The following GABRB3 variants were observed in gnomAD, a reference collection of about 807,000 sequenced individuals.
GABRB3 encodes the protein gamma-aminobutyric acid type A receptor subunit beta3.
Under a neutral mutation model 52.1 loss-of-function variants are expected in GABRB3, and 14 were observed. That is an observed-to-expected ratio of 0.27 (90% CI 0.18 to 0.42). The LOEUF is 0.42. Among genes scored for constraint, GABRB3 ranks in the 10% least tolerant of loss-of-function variants. GABRB3 has a pLI of 1.00. For synonymous variants in GABRB3, 260 were observed against 232.3 expected, an observed-to-expected ratio of 1.12 and a Z score of -1.08; for missense variants, 307 against 609.1, an observed-to-expected ratio of 0.50 and a Z score of 5.22.
chr15:26,680,921 TA>T (rs1189913261), intron 3 of GABRB3, among the ~76,000 whole-genome samples: 1 of 152,144 alleles, frequency 6.6e-6, no homozygotes, highest in Non-Finnish European at 1.5e-5. Context: ...TGCTGCTTGC[TA>T]GAAAAAAGGA....
chr15:26,761,925 C>G (rs957999997), intron 3 of GABRB3, among the ~76,000 whole-genome samples: 6 of 152,276 alleles, frequency 3.9e-5, no homozygotes, highest in Non-Finnish European at 2.9e-5. Flanking sequence ...GCCTCTGCCT[C>G]CCGGGTTCAA....
At chr15:26,590,578 G>A (rs546729281) in intron 4 of GABRB3, among the ~76,000 whole-genome samples, 2 of 152,322 alleles carry the variant, frequency 1.3e-5, no homozygotes, top group South Asian at 2.1e-4. Flanking sequence ...CATTTTCCTT[G>A]AGCAAATGCT....
chr15:26,592,785 C>T (rs1891253051), intron 4 of GABRB3, among the ~76,000 whole-genome samples: 1 of 151,948 alleles, frequency 6.6e-6, no homozygotes, highest in Non-Finnish European at 1.5e-5. Flanking sequence ...GAGGCCGAGG[C>T]GGGTGGATCA....
intron 3 of GABRB3, among the ~76,000 whole-genome samples, chr15:26,682,889 G>A (rs978937955): frequency 2.6e-5 from 4 of 152,148 alleles, no homozygotes; most frequent in Non-Finnish European, 4.4e-5. Context: ...GGACACAGCC[G>A]GCCACTCAGC....
chr15:26,551,319 G>A (rs1035803986), intron 8 of GABRB3, among the ~76,000 whole-genome samples: 4 of 152,222 alleles, frequency 2.6e-5, no homozygotes, highest in Admixed American at 2.0e-4. Context: ...AGAGTGCAGA[G>A]AGGGGCCCCA....
rs538425758 is a variant in GABRB3 at position 26,730,523 on chromosome 15, T to A, written c.240+41879A>T. Among the ~76,000 whole-genome samples, 504 of 150,500 alleles carry A rather than the reference T, an allele frequency of 3.3e-3. 2 individuals are homozygous for A. The highest frequency in any genetic ancestry group is 0.011 in the African/African-American group (464 of 41,060). ...GGATGAATGCGGTCACGTCCCATTG[T>A]GGAGAGAAAGAAGAGGAGCTGAAGA... On this transcript the variant is annotated intron_variant, in intron 3 of 8. Transcript: ENST00000311550.
chr15:26,562,824 C>T (rs969482732), intron 7 of GABRB3, among the ~76,000 whole-genome samples: 5 of 118,626 alleles, frequency 4.2e-5, no homozygotes, highest in African/African-American at 1.6e-4. Flanking sequence ...AAGAAGAGAA[C>T]TGAAGACTTG....
chr15:26,648,064 TTG>T (rs1313571040), intron 3 of GABRB3, among the ~76,000 whole-genome samples: 1 of 152,202 alleles, frequency 6.6e-6, no homozygotes, highest in East Asian at 1.9e-4. Context: ...CTTCCCATTG[TTG>T]TGTTACCGTC....
intron 3 of GABRB3, among the ~76,000 whole-genome samples, chr15:26,711,056 C>A (rs1450294194): frequency 1.3e-5 from 2 of 152,114 alleles, no homozygotes; most frequent in African/African-American, 4.8e-5. Context: ...TGTTTTCTAT[C>A]AAGTTCAACA....
At chr15:26,591,466 T>G (rs569040404) in intron 4 of GABRB3, among the ~76,000 whole-genome samples, 3 of 152,178 alleles carry the variant, frequency 2.0e-5, no homozygotes, top group Non-Finnish European at 4.4e-5. Context: ...AGTAGTCCCA[T>G]CAGGCAAATG....
At chr15:26,608,782 TCA>T (rs1228166463) in intron 4 of GABRB3, among the ~76,000 whole-genome samples, 2 of 152,046 alleles carry the variant, frequency 1.3e-5, no homozygotes, top group African/African-American at 4.8e-5. Context: ...ATGACTAGTA[TCA>T]AAAAGATGAA....
chr15:26,705,510 A>G (rs36057114), intron 3 of GABRB3, among the ~76,000 whole-genome samples: 25,016 of 152,234 alleles, frequency 0.16, 2,313 homozygotes, highest in Middle Eastern at 0.26. Context: ...ATATATCTAT[A>G]TAATGAAACT....
At chr15:26,661,479 T>G (rs1277437272) in intron 3 of GABRB3, among the ~76,000 whole-genome samples, 1 of 152,168 alleles carries the variant, frequency 6.6e-6, no homozygotes, top group Non-Finnish European at 1.5e-5. Flanking sequence ...CTGCTAGATG[T>G]CTACACGAGG....
intron 7 of GABRB3, among the ~76,000 whole-genome samples, chr15:26,565,039 G>A (rs761555793): frequency 1.3e-5 from 2 of 152,298 alleles, no homozygotes; most frequent in East Asian, 3.9e-4. Context: ...TGTAAAACTG[G>A]AGCAATAATA....
At chr15:26,598,863 C>T (rs1891486214) in intron 4 of GABRB3, among the ~76,000 whole-genome samples, 1 of 152,174 alleles carries the variant, frequency 6.6e-6, no homozygotes, top group South Asian at 2.1e-4. Context: ...TGGCACCAAA[C>T]CACACCTCAT....
At chr15:26,556,130 T>G (rs1889742400) in intron 8 of GABRB3, among the ~76,000 whole-genome samples, 1 of 152,220 alleles carries the variant, frequency 6.6e-6, no homozygotes, top group Non-Finnish European at 1.5e-5. Context: ...ATACTCTTTA[T>G]TTTGAAGGGT....
At chr15:26,773,678 C>T (rs1488827933), upstream of GABRB3, 42 of 1,574,812 alleles carry the variant, frequency 2.7e-5, no homozygotes, top group Non-Finnish European at 3.4e-5. Context: ...CCCCAGGGTC[C>T]AGGAGAGCCA....
chr15:26,664,244 G>A (rs1267795474), intron 3 of GABRB3, among the ~76,000 whole-genome samples: 1 of 152,136 alleles, frequency 6.6e-6, no homozygotes, highest in Non-Finnish European at 1.5e-5. Flanking sequence ...ATGGGGTCTT[G>A]CTATGTTGCC....
chr15:26,746,791 T>C (rs1330053891), intron 3 of GABRB3, among the ~76,000 whole-genome samples: 2 of 151,934 alleles, frequency 1.3e-5, no homozygotes, highest in Admixed American at 1.3e-4. Flanking sequence ...ATCGAGACCA[T>C]CCTGGCTAAC....
Sources: allele counts gnomAD v4.1 joint callset (sites outside exome capture counted in the v4.1 genomes callset), GRCh38; gene constraint gnomAD v4.1.1; transcripts MANE v1.5; gene names NCBI Gene and HGNC (gene_info 2026-07-23, HGNC 2026-07-21).